The following SHTN1 variants were observed in gnomAD, a reference collection of about 807,000 sequenced individuals.
SHTN1 encodes shootin-1.
In SHTN1, 42 loss-of-function variants were observed where a neutral mutation model predicts 83.1. The ratio of observed to expected loss-of-function variants is 0.51; its 90% CI spans 0.39 to 0.65. The LOEUF is 0.65. Among genes scored for constraint, SHTN1 ranks in the 30% least tolerant of loss-of-function variants. SHTN1 has a pLI of 0.00. For missense variants in SHTN1, 622 were observed against 737.8 expected (o/e 0.84, Z 1.82); for synonymous variants, 224 against 247.7 (o/e 0.90, Z 0.90).
intron 16 of SHTN1, among the ~76,000 whole-genome samples, chr10:116,888,224 T>C (rs1024490826): frequency 6.6e-6 from 1 of 152,336 alleles, no homozygotes; most frequent in Non-Finnish European, 1.5e-5. Flanking sequence ...CCATCTACCT[T>C]GGCCAAGGAA....
chr10:117,040,722 T>G (rs1250901159), intron 2 of SHTN1, among the ~76,000 whole-genome samples: 2 of 152,186 alleles, frequency 1.3e-5, no homozygotes, highest in Non-Finnish European at 1.5e-5. Context: ...GACTTTTCAT[T>G]ACTTTTGTGG....
intron 1 of SHTN1, among the ~76,000 whole-genome samples, chr10:117,049,006 A>C (rs567849827): frequency 6.6e-6 from 1 of 152,220 alleles, no homozygotes; most frequent in East Asian, 1.9e-4. Context: ...TCATCTGTCA[A>C]TTGGGGACCA....
chr10:117,085,328 A>AT (rs1283377200), intron 1 of SHTN1, among the ~76,000 whole-genome samples: 5 of 152,148 alleles, frequency 3.3e-5, no homozygotes, highest in South Asian at 2.1e-4. Context: ...ACAAATTTTG[A>AT]TAAGTTGTAT....
At chr10:116,961,429 A>C (rs977938962) in intron 3 of SHTN1, among the ~76,000 whole-genome samples, 1 of 152,196 alleles carries the variant, frequency 6.6e-6, no homozygotes, top group Non-Finnish European at 1.5e-5. Flanking sequence ...ATGCAGGCCA[A>C]CCAAAAACCA....
chr10:116,988,739 G>T (rs540742097), intron 1 of SHTN1, among the ~76,000 whole-genome samples: 1 of 151,858 alleles, frequency 6.6e-6, no homozygotes, highest in Non-Finnish European at 1.5e-5. Flanking sequence ...AGGGGTTCTT[G>T]TTAGGTTGCC....
At chr10:117,102,016 A>G (rs1853601028) in intron 1 of SHTN1, among the ~76,000 whole-genome samples, 1 of 148,990 alleles carries the variant, frequency 6.7e-6, no homozygotes. Flanking sequence ...GAAAAAAAAA[A>G]AGAAGAAGAA....
intron 11 of SHTN1, among the ~76,000 whole-genome samples, chr10:116,922,163 G>C (rs911732867): frequency 3.9e-5 from 6 of 152,054 alleles, no homozygotes; most frequent in Non-Finnish European, 7.4e-5. Context: ...CAAAATGGAA[G>C]AGAACCTTGC....
intron 16 of SHTN1, among the ~76,000 whole-genome samples, chr10:116,889,499 T>C (rs1290522510): frequency 6.6e-6 from 1 of 152,202 alleles, no homozygotes; most frequent in African/African-American, 2.4e-5. Context: ...TAATGACCAC[T>C]GCCTTAGAAT....
intron 1 of SHTN1, among the ~76,000 whole-genome samples, chr10:117,085,804 C>T (rs1853341656): frequency 6.6e-6 from 1 of 151,986 alleles, no homozygotes; most frequent in South Asian, 2.1e-4. Context: ...GCTCTGTTGT[C>T]AAGTGCATAC....
At position 116,985,292 on chromosome 10, in the gene SHTN1, T is replaced by C. The variant is rs554053700; in HGVS notation, c.59-5984A>G. Among the ~76,000 whole-genome samples, 3 of 152,254 alleles carry C rather than the reference T, an allele frequency of 2.0e-5. No individual in the cohort carries two copies. The South Asian group carries it at 6.2e-4, about 32-fold the overall frequency. ...ACAATCCAAATATTAACGTCCCCAT[T>C]TTACAAACAAAGACACAAATGCATA... On this transcript the variant is annotated intron_variant, in intron 1 of 16. Transcript: ENST00000355371.
chr10:116,900,271 G>A, intron 16 of SHTN1: 2 of 467,768 alleles, frequency 4.3e-6, no homozygotes, highest in Non-Finnish European at 7.7e-6. Context: ...GCTTTAAGTA[G>A]ATAAATTAAA....
intron 12 of SHTN1, among the ~76,000 whole-genome samples, chr10:116,920,630 C>T (rs1168222966): frequency 6.6e-6 from 1 of 152,068 alleles, no homozygotes; most frequent in African/African-American, 2.4e-5. Context: ...GGACAATTCT[C>T]ATCACGTTAT....
At chr10:117,033,842 A>T (rs1362203386) in intron 2 of SHTN1, among the ~76,000 whole-genome samples, 2 of 152,202 alleles carry the variant, frequency 1.3e-5, no homozygotes, top group African/African-American at 4.8e-5. Context: ...ACCAAGTGGG[A>T]TTTATTCCTG....
At chr10:117,006,638 G>A (rs1383245895), upstream of SHTN1, among the ~76,000 whole-genome samples, 1 of 151,868 alleles carries the variant, frequency 6.6e-6, no homozygotes, top group African/African-American at 2.4e-5. Context: ...GCTGAAGGTT[G>A]CAGTTCTTTT....
At chr10:117,103,582 G>A (rs1221778130) in intron 1 of SHTN1, among the ~76,000 whole-genome samples, 2 of 118,348 alleles carry the variant, frequency 1.7e-5, no homozygotes, top group South Asian at 5.9e-4. Context: ...CTGTTGCCCA[G>A]GCTGGAGTAC....
chr10:116,921,470 C>A lies in SHTN1; in HGVS notation c.1159G>T (p.Gly387Cys). The A allele has an allele frequency of 1.2e-6, 2 of 1,613,848 alleles. No individual in the cohort carries two copies. Among genetic ancestry groups the A allele is most frequent in the Non-Finnish European group, 1.7e-6 (2 of 1,179,874 alleles). Reference protein sequence around the residue: ...IRKRSHPSGSGAKKEKATQPE... With the variant: ...IRKRSHPSGSCAKKEKATQPE... The stretch of plus-strand genomic sequence containing the variant: ...TGAGTTGCCTTTTCTTTCTTAGCAC[C>A]ACTGCCACTGGGGTGGGATCGTTTC... The change falls in exon 12 of 17, where the codon GGT becomes TGT. Residue 387 changes from glycine (G) to cysteine (C), a missense_variant. Gly to Cys is a radical substitution (Grantham distance 159). Around this residue, in one of 3 missense-constraint regions of SHTN1, gnomAD observed 383 missense variants for 455.8 expected, o/e 0.84. Coordinates refer to ENST00000355371, the MANE Select transcript of SHTN1 (RefSeq NM_001127211.3).
At chr10:116,921,405 C>T in intron 12 of SHTN1, 29 bp downstream of exon 12, 1 of 1,535,656 alleles carries the variant, frequency 6.5e-7, no homozygotes, top group South Asian at 1.1e-5. Context: ...ACACCATCAA[C>T]CACTTACACC....
intron 1 of SHTN1, among the ~76,000 whole-genome samples, chr10:117,003,647 T>C (rs1002384880): frequency 1.3e-5 from 2 of 151,928 alleles, no homozygotes; most frequent in African/African-American, 4.8e-5. Context: ...CCCTCGCCTT[T>C]AGTCAGGTCG....
chr10:117,009,947 A>C (rs1178444537), upstream of SHTN1, among the ~76,000 whole-genome samples: 3 of 152,104 alleles, frequency 2.0e-5, no homozygotes, highest in Admixed American at 2.0e-4. Context: ...CCGTGAAGAC[A>C]GTGCTCAGAG....
Sources: gnomAD v4.1 joint callset for allele counts (sites outside exome capture counted in the v4.1 genomes callset) on GRCh38, gnomAD v4.1.1 for gene constraint, gnomAD v4.1.1 regional missense constraint, MANE v1.5 for transcripts, NCBI Gene and HGNC (gene_info 2026-07-23, HGNC 2026-07-21) for gene names.